Variants in SLC26A7 observed in about 807,000 individuals in gnomAD.
The protein encoded by SLC26A7 is solute carrier family 26 member 7.
Under a neutral mutation model 82.5 loss-of-function variants are expected in SLC26A7, and 59 were observed. The observed-to-expected ratio is 0.72, with a 90% CI of 0.58 to 0.89. The LOEUF is 0.89. Among genes scored for constraint, SLC26A7 ranks in the 40% least tolerant of loss-of-function variants. The probability of loss-of-function intolerance (pLI) is 0.00; values close to 1 mark genes in which losing one functional copy is unlikely to be tolerated. For missense variants in SLC26A7, 820 were observed against 793.0 expected, an observed-to-expected ratio of 1.03 and a Z score of -0.41; for synonymous variants, 271 against 274.3, an observed-to-expected ratio of 0.99 and a Z score of 0.12.
intron 15 of SLC26A7, among the ~76,000 whole-genome samples, chr8:91,384,793 A>G (rs1218274005): frequency 6.6e-6 from 1 of 152,144 alleles, no homozygotes; most frequent in Non-Finnish European, 1.5e-5. Flanking sequence ...GAAGGAAGGA[A>G]GGAAAGAAGG....
At position 91,360,093 on chromosome 8, in the gene SLC26A7, G is replaced by T. The variant is rs1199794654; in HGVS notation, c.1315-2260G>T. On this transcript the variant is annotated intron_variant, in intron 11 of 18. Transcript: ENST00000276609. The stretch of plus-strand genomic sequence containing the variant: ...GTCCAAATGGAGGCTCAACTCATTG[G>T]CTCAGAACTAAGTTTGAACAGCTGA... Among the ~76,000 whole-genome samples, 7 of 152,160 alleles carry T rather than the reference G, an allele frequency of 4.6e-5. No homozygotes were observed. The East Asian group carries it at 1.4e-3, about 29-fold the overall frequency.
At chr8:91,387,730 T>C (rs1277251105) in intron 15 of SLC26A7, among the ~76,000 whole-genome samples, 2 of 152,252 alleles carry the variant, frequency 1.3e-5, no homozygotes, top group Non-Finnish European at 2.9e-5. Flanking sequence ...TTTATTCATT[T>C]TATCATTTTA....
intron 2 of SLC26A7, among the ~76,000 whole-genome samples, chr8:91,242,870 A>G (rs189346088): frequency 6.6e-6 from 1 of 152,348 alleles, no homozygotes; most frequent in East Asian, 1.9e-4. Context: ...AGTGAAAAGC[A>G]TAACTATCAG....
chr8:91,366,813 G>A, intron 14 of SLC26A7, 96 bp downstream of exon 14: 1 of 1,378,390 alleles, frequency 7.3e-7, no homozygotes, highest in Non-Finnish European at 9.8e-7. Flanking sequence ...CATCACACGA[G>A]TATTTCGAGA....
chr8:91,212,439 T>C (rs564627000), intron 1 of SLC26A7, among the ~76,000 whole-genome samples: 1 of 152,286 alleles, frequency 6.6e-6, no homozygotes, highest in Non-Finnish European at 1.5e-5. Flanking sequence ...TAATTAAAAC[T>C]ACCCTCAAAA....
intron 2 of SLC26A7, among the ~76,000 whole-genome samples, chr8:91,220,257 C>T (rs762295398): frequency 1.3e-5 from 2 of 152,004 alleles, no homozygotes; most frequent in Non-Finnish European, 1.5e-5. Context: ...ATCAAAAATG[C>T]GTTACAGGGG....
intron 6 of SLC26A7, among the ~76,000 whole-genome samples, chr8:91,336,131 A>C (rs1813234849): frequency 1.3e-5 from 2 of 152,170 alleles, no homozygotes; most frequent in African/African-American, 4.8e-5. Flanking sequence ...TAGATTCTTA[A>C]GTATCCAGAG....
chr8:91,351,223 G>A (rs989799692), intron 9 of SLC26A7, among the ~76,000 whole-genome samples: 1 of 152,116 alleles, frequency 6.6e-6, no homozygotes, highest in Non-Finnish European at 1.5e-5. Context: ...AGGCTGGTTG[G>A]TTAGAACATG....
At chr8:91,301,308 G>A (rs1481685192) in intron 4 of SLC26A7, among the ~76,000 whole-genome samples, 2 of 152,052 alleles carry the variant, frequency 1.3e-5, no homozygotes, top group African/African-American at 2.4e-5. Flanking sequence ...TCTAGTACTG[G>A]AGGTTTTGTA....
At position 91,334,285 on chromosome 8, in the gene SLC26A7, A is replaced by G. The variant is rs1374276956; in HGVS notation, c.643-10A>G. On this transcript the variant is annotated splice_polypyrimidine_tract_variant and intron_variant, in intron 5 of 18. Coordinates refer to ENST00000276609, the MANE Select transcript of SLC26A7 (RefSeq NM_052832.4). ...CTGAATTTTGTTTGTATTTTTTCTC[A>G]TTACTGTAGATTTATGCATATGTTT... 2 of 1,597,798 alleles carry G rather than the reference A, an allele frequency of 1.3e-6. No homozygotes were observed. Among genetic ancestry groups the G allele is most frequent in the Non-Finnish European group, 1.7e-6 (2 of 1,173,598 alleles).
Position 91,273,207 on chromosome 8 carries a change from G to A in SLC26A7, c.194-15929G>A, listed in dbSNP as rs78272378. 4.4e-3 allele frequency among the ~76,000 whole-genome samples: 672 copies of A among 152,130 alleles called. 5 individuals carry two copies. Among genetic ancestry groups the A allele is most frequent in the African/African-American group, 0.016 (654 of 41,512 alleles). ...TGTTATGGAGGGGTTGGTGGTGAGA[G>A]GGACCAAAATAAACAATTTCCATTT... On this transcript the variant is annotated intron_variant, in intron 2 of 18. Coordinates refer to ENST00000276609, the MANE Select transcript of SLC26A7 (RefSeq NM_052832.4).
At chr8:91,385,129 T>A (rs1814766389) in intron 15 of SLC26A7, among the ~76,000 whole-genome samples, 1 of 152,202 alleles carries the variant, frequency 6.6e-6, no homozygotes, top group African/African-American at 2.4e-5. Context: ...GGTTAATTTC[T>A]TTCTGAAATG....
At chr8:91,221,523 T>C (rs1810160121) in intron 2 of SLC26A7, among the ~76,000 whole-genome samples, 1 of 152,250 alleles carries the variant, frequency 6.6e-6, no homozygotes, top group African/African-American at 2.4e-5. Context: ...ATTAAGTCTT[T>C]AATCCATCTT....
At chr8:91,223,601 C>T (rs1810191767) in intron 2 of SLC26A7, among the ~76,000 whole-genome samples, 1 of 152,158 alleles carries the variant, frequency 6.6e-6, no homozygotes, top group African/African-American at 2.4e-5. Flanking sequence ...TTCTCTATGG[C>T]TGCCCTTAAC....
At chr8:91,291,201 C>G (rs1390541854) in intron 3 of SLC26A7, among the ~76,000 whole-genome samples, 1 of 151,880 alleles carries the variant, frequency 6.6e-6, no homozygotes, top group African/African-American at 2.4e-5. Context: ...ATATTATTAC[C>G]TTTACATTGC....
intron 14 of SLC26A7, among the ~76,000 whole-genome samples, chr8:91,369,015 C>T (rs527349399): frequency 3.0e-4 from 46 of 152,238 alleles, no homozygotes; most frequent in South Asian, 1.7e-3. Context: ...AAACTGATCT[C>T]GTGAGAGAAG....
intron 2 of SLC26A7, among the ~76,000 whole-genome samples, chr8:91,269,763 T>G (rs1010234834): frequency 6.6e-6 from 1 of 152,128 alleles, no homozygotes; most frequent in Admixed American, 6.6e-5. Flanking sequence ...GGAGATTAGT[T>G]CACTTAATGG....
At chr8:91,342,076 C>T (rs1207396930) in intron 8 of SLC26A7, among the ~76,000 whole-genome samples, 1 of 151,924 alleles carries the variant, frequency 6.6e-6, no homozygotes, top group East Asian at 1.9e-4. Flanking sequence ...TTCAGGCATG[C>T]ACCACCATGC....
intron 18 of SLC26A7, 158 bp downstream of exon 18, chr8:91,394,197 A>G: frequency 3.7e-6 from 6 of 1,611,898 alleles, no homozygotes; most frequent in African/African-American, 1.3e-5. Flanking sequence ...AGGTAAAAGA[A>G]TGTTTCCATT....
Sources: allele counts gnomAD v4.1 joint callset (sites outside exome capture counted in the v4.1 genomes callset), GRCh38; gene constraint gnomAD v4.1.1; transcripts MANE v1.5; gene names NCBI Gene and HGNC (gene_info 2026-07-23, HGNC 2026-07-21).